The following RBFOX1 variants were observed in gnomAD, a reference collection of about 807,000 sequenced individuals.
RBFOX1 encodes RNA binding fox-1 homolog 1, also known as RNA binding protein fox-1 homolog 1.
RBFOX1 carries 8 observed loss-of-function variants against 57.7 expected under a neutral mutation model. That is an observed-to-expected ratio of 0.14 (90% CI 0.08 to 0.25). RBFOX1 has a LOEUF of 0.25. RBFOX1 is among the 10% of genes least tolerant of loss of function. RBFOX1 has a pLI of 1.00. For missense variants in RBFOX1, 611 were observed against 548.5 expected (o/e 1.11, Z -1.14); for synonymous variants, 326 against 222.4 (o/e 1.47, Z -4.15).
chr16:5,503,180 C>G (rs2043258446), intron 2 of RBFOX1, among the ~76,000 whole-genome samples: 1 of 152,190 alleles, frequency 6.6e-6, no homozygotes. Context: ...AGAGAATTAA[C>G]ATCTCTGTGC....
Position 5,406,628 on chromosome 16 carries a change from G to A in RBFOX1, c.220-60588G>A, listed in dbSNP as rs139216138. 5.7e-3 allele frequency among the ~76,000 whole-genome samples: 868 copies of A among 151,830 alleles called. 19 individuals carry two copies. The highest frequency in any genetic ancestry group is 0.043 in the Admixed American group (658 of 15,266). ...TATATATTCACACACACGTGTATAT[G>A]CATGCATGTGTGTATATATATAAAT... is the stretch of plus-strand genomic sequence containing the variant. On this transcript the variant is annotated intron_variant, in intron 1 of 2. Coordinates refer to the RBFOX1 transcript ENST00000585867.
intron 3 of RBFOX1, among the ~76,000 whole-genome samples, chr16:6,715,259 T>A (rs1014994363): frequency 2.1e-5 from 1 of 47,170 alleles, no homozygotes; most frequent in Non-Finnish European, 5.2e-5. Context: ...CAGGATAAAG[T>A]TTTAAAGTTT....
chr16:6,837,435 C>G (rs1385777905), intron 3 of RBFOX1, among the ~76,000 whole-genome samples: 3 of 152,162 alleles, frequency 2.0e-5, no homozygotes, highest in Non-Finnish European at 4.4e-5. Context: ...CCAGCCTCAC[C>G]CAACAGCAAG....
chr16:6,803,973 A>G (rs1350587042), intron 3 of RBFOX1, among the ~76,000 whole-genome samples: 1 of 152,086 alleles, frequency 6.6e-6, no homozygotes, highest in Admixed American at 6.6e-5. Flanking sequence ...ACGTTATAAC[A>G]TATGAAGCTA....
chr16:7,604,625 G>A (rs1285581509), intron 9 of RBFOX1, among the ~76,000 whole-genome samples: 1 of 152,200 alleles, frequency 6.6e-6, no homozygotes, highest in Non-Finnish European at 1.5e-5. Flanking sequence ...TTTATAGATA[G>A]ATCAGTAGAT....
chr16:6,442,660 G>T (rs367761482), intron 2 of RBFOX1, among the ~76,000 whole-genome samples: 2 of 152,074 alleles, frequency 1.3e-5, no homozygotes, highest in South Asian at 4.2e-4. Flanking sequence ...TGCAGAAGTC[G>T]CCAGAAACAA....
intron 14 of RBFOX1, among the ~76,000 whole-genome samples, chr16:7,695,962 C>T (rs149447973): frequency 4.6e-5 from 7 of 152,098 alleles, no homozygotes; most frequent in Middle Eastern, 3.2e-3. Context: ...TCAGGGGCTT[C>T]GGGTGGAGAT....
In RBFOX1 at chr16:6,859,141, G is replaced by GTATA. The variant is rs1174185442; in HGVS notation, c.-15-192908_-15-192905dup. On this transcript the variant is annotated intron_variant, in intron 3 of 15. Transcript: ENST00000550418. ...TATATATATATATACATATATATACGTATATATATATGTATATATATACGT... is the reference window on the plus strand; with the variant it reads ...TATATATATATATACATATATATACGTATATATATATATATGTATATATATACGT... Among the ~76,000 whole-genome samples the GTATA allele has an allele frequency of 3.1e-5, 3 of 98,236 alleles. No homozygotes were observed. The East Asian group carries it at 8.3e-4, about 27-fold the overall frequency. The allele number at this position is 98,236 out of a possible 152,430, so 64.4% of individuals were successfully genotyped here. A position where few individuals can be genotyped will look rare whatever the true frequency, so the allele number is the denominator to read the frequency against.
At chr16:5,678,533 C>T (rs939699036) in intron 3 of RBFOX1, among the ~76,000 whole-genome samples, 2 of 152,154 alleles carry the variant, frequency 1.3e-5, no homozygotes, top group African/African-American at 2.4e-5. Context: ...AGTTAGAACC[C>T]GGTTCCTAAG....
At chr16:7,705,453 C>G (rs1179499270) in intron 14 of RBFOX1, among the ~76,000 whole-genome samples, 1 of 152,040 alleles carries the variant, frequency 6.6e-6, no homozygotes, top group Non-Finnish European at 1.5e-5. Context: ...TGCAGTGAGC[C>G]AAGATTGTGC....
intron 2 of RBFOX1, among the ~76,000 whole-genome samples, chr16:6,615,991 G>T (rs1045653006): frequency 2.0e-5 from 3 of 152,132 alleles, no homozygotes; most frequent in African/African-American, 7.2e-5. Flanking sequence ...GCTGAACTCT[G>T]ATTCTGAATC....
At chr16:7,686,620 T>A (rs943056529) in intron 14 of RBFOX1, among the ~76,000 whole-genome samples, 2 of 152,124 alleles carry the variant, frequency 1.3e-5, no homozygotes, top group Non-Finnish European at 2.9e-5. Context: ...GACTTCACAT[T>A]TGTTTCTCAT....
At chr16:6,381,601 A>C (rs1289852798) in intron 2 of RBFOX1, among the ~76,000 whole-genome samples, 1 of 152,106 alleles carries the variant, frequency 6.6e-6, no homozygotes, top group Non-Finnish European at 1.5e-5. Context: ...GCCTTTACCT[A>C]TTGGATGTCA....
At chr16:5,320,078 A>G (rs1295297667) in intron 1 of RBFOX1, among the ~76,000 whole-genome samples, 3 of 152,194 alleles carry the variant, frequency 2.0e-5, no homozygotes, top group Non-Finnish European at 2.9e-5. Context: ...TGGCAAACAC[A>G]TGGCTGTGTT....
chr16:6,549,538 GGGGAGGAGGAGGAT>G (rs771475116), intron 2 of RBFOX1, among the ~76,000 whole-genome samples: 2 of 124,642 alleles, frequency 1.6e-5, no homozygotes, highest in Non-Finnish European at 3.5e-5. Flanking sequence ...AGGAGGAGGA[GGGGAGGAGGAGGAT>G]GGGAGGAGGG....
intron 4 of RBFOX1, among the ~76,000 whole-genome samples, chr16:7,341,015 G>C (rs75862210): frequency 6.6e-6 from 1 of 152,184 alleles, no homozygotes; most frequent in African/African-American, 2.4e-5. Flanking sequence ...GTTCGGCAAT[G>C]TGAGCTTTTG....
chr16:5,983,914 T>TCCTCCTCCTCCCCCTCCTCCTCCCCCTCC (rs2060224959), intron 4 of RBFOX1, among the ~76,000 whole-genome samples: 1 of 98,230 alleles, frequency 1.0e-5, no homozygotes, highest in Non-Finnish European at 2.1e-5. Flanking sequence ...CCTCCTCCTC[T>TCCTCCTCCTCCCCCTCCTCCTCCCCCTCC]TCCTCCTCCT....
intron 3 of RBFOX1, among the ~76,000 whole-genome samples, chr16:6,955,056 C>A (rs1279558068): frequency 4.3e-5 from 6 of 138,872 alleles, no homozygotes; most frequent in Non-Finnish European, 6.2e-5. Context: ...CACTGGGAAA[C>A]CCCATCTCTA....
At position 7,164,297 on chromosome 16, in the gene RBFOX1, G is replaced by A. The variant is rs567812958; in HGVS notation, c.27+112199G>A. 1.2e-4 allele frequency among the ~76,000 whole-genome samples: 18 copies of A among 152,222 alleles called. No homozygotes were observed. In the South Asian group the frequency reaches 3.7e-3, roughly 32 times the overall value. On this transcript the variant is annotated intron_variant, in intron 4 of 15. Coordinates refer to ENST00000550418, the MANE Select transcript of RBFOX1 (RefSeq NM_018723.4). Reference sequence around the variant, plus strand: ...AGGTTGCTGCAAATGCCATTATTTTGTTCCTTTTTATGGCTGAATAGTATT... The same window carrying A: ...AGGTTGCTGCAAATGCCATTATTTTATTCCTTTTTATGGCTGAATAGTATT...
Sources: allele counts gnomAD v4.1 joint callset (sites outside exome capture counted in the v4.1 genomes callset), GRCh38; gene constraint gnomAD v4.1.1; transcripts MANE v1.5; gene names NCBI Gene and HGNC (gene_info 2026-07-23, HGNC 2026-07-21).